Variants in THSD4 observed in about 807,000 individuals in gnomAD.
THSD4 encodes thrombospondin type 1 domain containing 4.
A neutral mutation model predicts 119.0 loss-of-function variants in THSD4; 69 were observed. That is an observed-to-expected ratio of 0.58 (90% CI 0.48 to 0.71). THSD4 has a LOEUF of 0.71. Among genes scored for constraint, THSD4 ranks in the 30% least tolerant of loss-of-function variants. The pLI is 0.00. For missense variants in THSD4, 1,393 were observed against 1,391.1 expected (o/e 1.00, Z -0.02); for synonymous variants, 524 against 540.4 (o/e 0.97, Z 0.42).
upstream of THSD4, among the ~76,000 whole-genome samples, chr15:71,112,581 G>A (rs2040313625): frequency 6.6e-6 from 1 of 152,178 alleles, no homozygotes; most frequent in South Asian, 2.1e-4. Context: ...ATATGCAAAG[G>A]GGTGACCCAC....
intron 7 of THSD4, among the ~76,000 whole-genome samples, chr15:71,558,198 G>A (rs933087157): frequency 6.6e-6 from 1 of 152,074 alleles, no homozygotes; most frequent in East Asian, 1.9e-4. Flanking sequence ...CATGGTGGCT[G>A]GCATCTGTAG....
intron 7 of THSD4, among the ~76,000 whole-genome samples, chr15:71,540,824 G>A (rs2048750007): frequency 6.8e-6 from 1 of 147,600 alleles, no homozygotes; most frequent in African/African-American, 2.5e-5. Context: ...CTGGGTTCAA[G>A]TGATTCTCCT....
intron 1 of THSD4, among the ~76,000 whole-genome samples, chr15:71,136,315 G>A (rs538791209): frequency 1.8e-4 from 28 of 152,218 alleles, no homozygotes; most frequent in African/African-American, 5.1e-4. Context: ...GACTGGGGAC[G>A]GTAGGGGCAC....
intron 6 of THSD4, among the ~76,000 whole-genome samples, chr15:71,363,404 C>T (rs192574027): frequency 1.4e-4 from 21 of 152,266 alleles, no homozygotes; most frequent in Admixed American, 8.5e-4. Flanking sequence ...TCCCTAGAAG[C>T]CTGCTCACTG....
intron 3 of THSD4, among the ~76,000 whole-genome samples, chr15:71,188,626 T>A (rs893684891): frequency 3.3e-5 from 5 of 152,130 alleles, no homozygotes; most frequent in Admixed American, 6.6e-5. Context: ...CCCTCTCCCA[T>A]GGCCTGCATG....
At chr15:71,773,200 C>CAAAAAAA (rs5813665) in intron 17 of THSD4, among the ~76,000 whole-genome samples, 3,828 of 53,468 alleles carry the variant, frequency 0.072, 89 homozygotes, top group East Asian at 0.13. Context: ...GACCATGTCT[C>CAAAAAAA]AAAAAAAAAA....
At chr15:71,140,449 C>T (rs2040591603) in intron 1 of THSD4, among the ~76,000 whole-genome samples, 1 of 152,096 alleles carries the variant, frequency 6.6e-6, no homozygotes, top group South Asian at 2.1e-4. Context: ...ACAAGGAGGG[C>T]ATCAGGGCAT....
At chr15:71,249,224 G>A (rs2044234943) in intron 5 of THSD4, among the ~76,000 whole-genome samples, 1 of 151,904 alleles carries the variant, frequency 6.6e-6, no homozygotes, top group South Asian at 2.1e-4. Flanking sequence ...CATAACATGT[G>A]TGTGCATATA....
chr15:71,164,677 T>C (rs1399711427), intron 3 of THSD4: 20 of 1,522,022 alleles, frequency 1.3e-5, no homozygotes, highest in African/African-American at 2.8e-5. Context: ...TACACAGCCT[T>C]ACATTTCAGT....
chr15:71,350,141 T>TAAAAAAAA (rs3086680), intron 6 of THSD4, among the ~76,000 whole-genome samples: 1 of 111,172 alleles, frequency 9.0e-6, no homozygotes, highest in Non-Finnish European at 1.9e-5. Flanking sequence ...TGCAAATTAC[T>TAAAAAAAA]AAAAAAAAAA....
intron 7 of THSD4, chr15:71,547,602 T>C: frequency 8.6e-7 from 1 of 1,167,664 alleles, no homozygotes. Context: ...TAATGCTTTA[T>C]ATTACTTTTG....
chr15:71,441,928 A>G (rs1402179156), intron 7 of THSD4, among the ~76,000 whole-genome samples: 1 of 152,042 alleles, frequency 6.6e-6, no homozygotes, highest in Non-Finnish European at 1.5e-5. Context: ...CAGTAGCTAA[A>G]TGGTAGCCCT....
chr15:71,485,320 T>C (rs2047798635), intron 7 of THSD4, among the ~76,000 whole-genome samples: 1 of 152,170 alleles, frequency 6.6e-6, no homozygotes, highest in Admixed American at 6.5e-5. Flanking sequence ...CCTCTCCACC[T>C]CTGGGCCTCA....
At chr15:71,255,107 G>A (rs2044300663) in intron 5 of THSD4, among the ~76,000 whole-genome samples, 1 of 152,152 alleles carries the variant, frequency 6.6e-6, no homozygotes, top group South Asian at 2.1e-4. Context: ...ACATACAGTA[G>A]ATTTCTCTAC....
chr15:71,718,610 G>A (rs11632417), intron 8 of THSD4, among the ~76,000 whole-genome samples: 109,513 of 152,138 alleles, frequency 0.72, 44,628 homozygotes, highest in South Asian at 0.93. Flanking sequence ...ACAATCAGCC[G>A]TCACAGTCTG....
chr15:71,384,139 G>A (rs2046263939), intron 6 of THSD4, among the ~76,000 whole-genome samples: 1 of 152,200 alleles, frequency 6.6e-6, no homozygotes, highest in Admixed American at 6.5e-5. Context: ...CAGCACTTTG[G>A]GAGGCCGAGG....
chr15:71,482,525 C>T (rs936333052), intron 7 of THSD4, among the ~76,000 whole-genome samples: 14 of 151,894 alleles, frequency 9.2e-5, no homozygotes, highest in Admixed American at 4.6e-4. Flanking sequence ...ATCCTGACCT[C>T]GTGATCTGCC....
intron 6 of THSD4, among the ~76,000 whole-genome samples, chr15:71,331,388 G>C (rs1399300642): frequency 6.6e-6 from 1 of 152,206 alleles, no homozygotes; most frequent in Non-Finnish European, 1.5e-5. Flanking sequence ...CTTTGCATTT[G>C]AAGTTCTCAT....
chr15:71,295,576 A>G (rs2044851606), intron 6 of THSD4, among the ~76,000 whole-genome samples: 1 of 152,132 alleles, frequency 6.6e-6, no homozygotes, highest in Non-Finnish European at 1.5e-5. Context: ...CTCTGGGTGA[A>G]TCATTTCCCT....
Sources: allele counts gnomAD v4.1 joint callset (sites outside exome capture counted in the v4.1 genomes callset), GRCh38; gene constraint gnomAD v4.1.1; transcripts MANE v1.5; gene names NCBI Gene and HGNC (gene_info 2026-07-23, HGNC 2026-07-21).